The following CLIC5 variants were observed in gnomAD, a reference collection of about 807,000 sequenced individuals.
CLIC5 encodes CLIC family member 5.
A neutral mutation model predicts 24.7 loss-of-function variants in CLIC5; 20 were observed. The observed-to-expected ratio is 0.81, with a 90% CI of 0.57 to 1.18. The LOEUF is 1.18. Among genes scored for constraint, CLIC5 ranks in the 50% most tolerant of loss-of-function variants. CLIC5 has a pLI of 0.00. For missense variants in CLIC5, 341 were observed against 326.1 expected (o/e 1.05, Z -0.35); for synonymous variants, 159 against 135.6 (o/e 1.17, Z -1.20).
At chr6:46,056,923 A>G (rs1768276727) in intron 1 of CLIC5, among the ~76,000 whole-genome samples, 1 of 152,146 alleles carries the variant, frequency 6.6e-6, no homozygotes, top group Non-Finnish European at 1.5e-5. Context: ...TCACCCCCCA[A>G]AAAGACCAAT....
chr6:45,950,172 C>G (rs750626584), intron 2 of CLIC5, among the ~76,000 whole-genome samples: 3 of 152,170 alleles, frequency 2.0e-5, no homozygotes, highest in African/African-American at 7.2e-5. Context: ...GAAAGCCTTA[C>G]GATTCAAGCT....
chr6:45,881,434 C>G (rs1283883702), intron 6 of CLIC5, among the ~76,000 whole-genome samples: 1 of 152,040 alleles, frequency 6.6e-6, no homozygotes, highest in East Asian at 1.9e-4. Context: ...TGCATCTCAG[C>G]TGAAGAAGGC....
At chr6:46,093,147 T>C in the CLIC5 span, among the ~76,000 whole-genome samples, 1 of 152,148 alleles carries the variant, frequency 6.6e-6, no homozygotes, top group African/African-American at 2.4e-5. Context: ...GTTCTCTCCA[T>C]CTCCTTTCAA....
chr6:46,086,045 A>G, the CLIC5 span, among the ~76,000 whole-genome samples: 1 of 152,186 alleles, frequency 6.6e-6, no homozygotes, highest in Non-Finnish European at 1.5e-5. Context: ...GGACCCTCCG[A>G]GCCATGTGTG....
the CLIC5 span, among the ~76,000 whole-genome samples, chr6:46,105,447 A>T: frequency 2.6e-5 from 4 of 152,136 alleles, no homozygotes; most frequent in Non-Finnish European, 5.9e-5. Context: ...GATTTTTTTC[A>T]GTCAACTGAA....
At chr6:45,936,629 C>T (rs1470896916) in intron 4 of CLIC5, among the ~76,000 whole-genome samples, 2 of 152,054 alleles carry the variant, frequency 1.3e-5, no homozygotes, top group Non-Finnish European at 2.9e-5. Context: ...GTAACCTGTG[C>T]CATGTTACAA....
At position 45,969,868 on chromosome 6, in the gene CLIC5, G is replaced by T. The variant is rs76546407; in HGVS notation, c.64-14624C>A. On this transcript the variant is annotated intron_variant, in intron 1 of 5. Transcript: ENST00000339561. ...TAAAGACAGAAAGCCACACTCCTAC[G>T]ACAGGTCCTGAGCTCCCAGGGGAAG... Among the ~76,000 whole-genome samples the T allele has an allele frequency of 3.0e-3, 427 of 142,028 alleles. 3 individuals are homozygous for T. Among genetic ancestry groups the T allele is most frequent in the African/African-American group, 0.011 (399 of 37,882 alleles). The allele number at this position is 142,028 out of a possible 152,430, so 93.2% of individuals were successfully genotyped here.
At chr6:45,960,619 A>G (rs1006997859) in intron 1 of CLIC5, among the ~76,000 whole-genome samples, 3 of 151,924 alleles carry the variant, frequency 2.0e-5, no homozygotes, top group African/African-American at 7.3e-5. Flanking sequence ...CCTTCCCAGC[A>G]CTCTTGACAC....
chr6:45,994,914 C>T (rs1258251468), intron 1 of CLIC5, among the ~76,000 whole-genome samples: 1 of 152,216 alleles, frequency 6.6e-6, no homozygotes, highest in African/African-American at 2.4e-5. Context: ...TTATAAATAA[C>T]AGTCCTTTTC....
At chr6:46,048,825 G>A (rs558607277) in intron 1 of CLIC5, among the ~76,000 whole-genome samples, 1 of 152,298 alleles carries the variant, frequency 6.6e-6, no homozygotes, top group Admixed American at 6.5e-5. Context: ...TGTCATGTCA[G>A]TCAGGCACAT....
At chr6:45,940,689 T>C (rs550753225) in intron 4 of CLIC5, among the ~76,000 whole-genome samples, 12 of 152,340 alleles carry the variant, frequency 7.9e-5, no homozygotes, top group East Asian at 1.9e-4. Flanking sequence ...TGTGAGGCTG[T>C]CCTGTCATCC....
chr6:45,988,638 C>A (rs980317261), intron 1 of CLIC5, among the ~76,000 whole-genome samples: 2 of 152,192 alleles, frequency 1.3e-5, no homozygotes, highest in African/African-American at 2.4e-5. Flanking sequence ...TAACTATTAT[C>A]CTTGTTTTAG....
chr6:45,891,092 C>A (rs1762343674), intron 6 of CLIC5, among the ~76,000 whole-genome samples: 1 of 152,032 alleles, frequency 6.6e-6, no homozygotes. Flanking sequence ...CACCACAAAT[C>A]AATGATTAAT....
the CLIC5 span, among the ~76,000 whole-genome samples, chr6:46,098,902 T>G: frequency 2.0e-5 from 3 of 152,190 alleles, no homozygotes; most frequent in African/African-American, 7.2e-5. Flanking sequence ...TGAGACTGGC[T>G]TGGTGCCAGC....
chr6:45,918,994 CT>C, intron 4 of CLIC5: 1 of 985,458 alleles, frequency 1.0e-6, no homozygotes, highest in Non-Finnish European at 1.2e-6. Flanking sequence ...ATTCAAACTA[CT>C]CCTGGGACGT....
the CLIC5 span, among the ~76,000 whole-genome samples, chr6:46,117,567 T>TA: frequency 5.9e-5 from 9 of 152,224 alleles, no homozygotes; most frequent in Non-Finnish European, 1.3e-4. Context: ...GGTTTGTGAA[T>TA]AAAAAGAATT....
chr6:46,027,603 T>G (rs1206291105), intron 1 of CLIC5, among the ~76,000 whole-genome samples: 1 of 152,228 alleles, frequency 6.6e-6, no homozygotes, highest in Non-Finnish European at 1.5e-5. Flanking sequence ...ATATGTTGAG[T>G]TTGCAGAAAC....
downstream of CLIC5, among the ~76,000 whole-genome samples, chr6:45,894,432 C>G (rs898723257): frequency 6.6e-6 from 1 of 151,798 alleles, no homozygotes; most frequent in Non-Finnish European, 1.5e-5. Context: ...TTAGAGTGAC[C>G]TTAAGGGCTG....
intron 3 of CLIC5, among the ~76,000 whole-genome samples, chr6:45,945,542 C>T (rs960278295): frequency 2.0e-5 from 3 of 152,144 alleles, no homozygotes; most frequent in African/African-American, 4.8e-5. Flanking sequence ...CCAAAAACTA[C>T]AGGATGGAAG....
Sources: allele counts gnomAD v4.1 joint callset (sites outside exome capture counted in the v4.1 genomes callset), GRCh38; gene constraint gnomAD v4.1.1; transcripts MANE v1.5; gene names NCBI Gene and HGNC (gene_info 2026-07-23, HGNC 2026-07-21).